The following CORIN variants were observed in gnomAD, a reference collection of about 807,000 sequenced individuals.
The protein encoded by CORIN is corin, serine peptidase, also known as atrial natriuretic peptide-converting enzyme.
A neutral mutation model predicts 125.3 loss-of-function variants in CORIN; 117 were observed. That is an observed-to-expected ratio of 0.93 (90% confidence interval 0.80 to 1.09). CORIN has a LOEUF of 1.09. CORIN is among the 50% of genes least tolerant of loss of function. The pLI, the probability that CORIN is intolerant of heterozygous loss-of-function variation, is 0.00. For missense variants in CORIN, 1,253 were observed against 1,306.7 expected (o/e 0.96, Z 0.63); for synonymous variants, 450 against 466.4 (o/e 0.96, Z 0.45).
intron 17 of CORIN, among the ~76,000 whole-genome samples, chr4:47,624,165 A>G (rs920861580): frequency 4.6e-5 from 7 of 152,220 alleles, no homozygotes; most frequent in African/African-American, 1.7e-4. Flanking sequence ...TGTAGGCAGG[A>G]GTATATGGAA....
intron 10 of CORIN, among the ~76,000 whole-genome samples, chr4:47,673,522 G>T (rs1724866830): frequency 6.6e-6 from 1 of 152,136 alleles, no homozygotes; most frequent in South Asian, 2.1e-4. Context: ...GAGCCCAGGA[G>T]TCAGAAATCA....
intron 6 of CORIN, among the ~76,000 whole-genome samples, chr4:47,686,642 G>C (rs1725528803): frequency 6.6e-6 from 1 of 152,118 alleles, no homozygotes; most frequent in African/African-American, 2.4e-5. Flanking sequence ...TCTTTTTGAT[G>C]TTTTTTTGTC....
At position 47,707,452 on chromosome 4, in the gene CORIN, C is replaced by T. The variant is rs948056085; in HGVS notation, c.800-14369G>A. On this transcript the variant is annotated intron_variant, in intron 5 of 21. Transcript: ENST00000273857. Reference sequence around the variant, plus strand: ...TTAAAATATTTCCCAGCTGAAATTCCTCACTGTGAATCCCACTCGTTTAAC... The same window carrying T: ...TTAAAATATTTCCCAGCTGAAATTCTTCACTGTGAATCCCACTCGTTTAAC... Among the ~76,000 whole-genome samples the T allele has an allele frequency of 1.2e-4, 19 of 152,254 alleles. 1 individual carries two copies. The highest frequency in any genetic ancestry group is 9.8e-4 in the Admixed American group (15 of 15,282).
At chr4:47,827,725 C>T (rs1269149216) in intron 1 of CORIN, among the ~76,000 whole-genome samples, 1 of 152,146 alleles carries the variant, frequency 6.6e-6, no homozygotes, top group African/African-American at 2.4e-5. Context: ...TATTTCTTAA[C>T]TTTGAAGGCA....
At chr4:47,798,699 A>T (rs994358895) in intron 2 of CORIN, among the ~76,000 whole-genome samples, 2 of 152,130 alleles carry the variant, frequency 1.3e-5, no homozygotes, top group African/African-American at 4.8e-5. Context: ...TCTTTTTTAT[A>T]AATTTCAACT....
At chr4:47,695,613 G>T (rs1314153469) in intron 5 of CORIN, among the ~76,000 whole-genome samples, 1 of 152,202 alleles carries the variant, frequency 6.6e-6, no homozygotes, top group Non-Finnish European at 1.5e-5. Context: ...TCATCTGGAA[G>T]TGTGGCTGTC....
intron 1 of CORIN, among the ~76,000 whole-genome samples, chr4:47,827,985 C>T (rs926043922): frequency 6.6e-6 from 1 of 152,198 alleles, no homozygotes; most frequent in African/African-American, 2.4e-5. Flanking sequence ...GTTTAAACTG[C>T]CTCCCAGCTT....
intron 20 of CORIN, among the ~76,000 whole-genome samples, chr4:47,600,654 T>G (rs769797426): frequency 6.6e-5 from 10 of 152,076 alleles, no homozygotes; most frequent in Non-Finnish European, 1.3e-4. Flanking sequence ...CAATAGCTAC[T>G]ACAAAGAAAA....
At chr4:47,658,865 T>C (rs1460740920) in intron 12 of CORIN, among the ~76,000 whole-genome samples, 4 of 152,256 alleles carry the variant, frequency 2.6e-5, no homozygotes, top group African/African-American at 9.6e-5. Context: ...TCCACACTTT[T>C]ATGCTCTGCT....
In CORIN at chr4:47,677,978, C is replaced by T; in HGVS notation, c.1209G>A (p.Glu403=). 6.2e-7 allele frequency: 1 copy of T among 1,614,042 alleles called. No individual in the cohort carries two copies. The highest frequency in any genetic ancestry group is 2.2e-5 in the East Asian group (1 of 44,860). ...IPSTFQCDGD[E]DCKDGSDEEN... ...CCTCATCACTCCCATCCTTGCAGTC[C>T]TCGTCACCATCACATTGAAACGTGC... is the stretch of plus-strand genomic sequence containing the variant. Residue 403 remains glutamate (E), a synonymous_variant, in exon 9 of 22, where the codon GAG becomes GAA. Transcript: ENST00000273857.
rs180845831 is a variant in CORIN at position 47,773,643 on chromosome 4, A to G, written c.410-10057T>C. ...GCAAAGGAAGATTTTATGGAGAATA[A>G]GATCGTAAGGAAAGGCATGTTCTAC... is the stretch of plus-strand genomic sequence containing the variant. On this transcript the variant is annotated intron_variant, in intron 3 of 21. Coordinates refer to ENST00000273857, the MANE Select transcript of CORIN (RefSeq NM_006587.4). Among the ~76,000 whole-genome samples the G allele has an allele frequency of 3.3e-3, 495 of 152,304 alleles. 2 individuals are homozygous for G. The highest frequency in any genetic ancestry group is 0.011 in the African/African-American group (457 of 41,562).
intron 10 of CORIN, among the ~76,000 whole-genome samples, chr4:47,666,701 C>G (rs866777353): frequency 7.9e-5 from 12 of 152,278 alleles, no homozygotes; most frequent in Middle Eastern, 3.4e-3. Context: ...AGCTCTCGCT[C>G]TCTCAGCCAT....
At chr4:47,794,500 A>G (rs1262478919) in intron 2 of CORIN, among the ~76,000 whole-genome samples, 2 of 152,198 alleles carry the variant, frequency 1.3e-5, no homozygotes, top group Non-Finnish European at 2.9e-5. Context: ...AAAACTAGAA[A>G]TGTAATTTTA....
At chr4:47,649,148 G>A (rs1723621122) in intron 13 of CORIN, among the ~76,000 whole-genome samples, 1 of 152,200 alleles carries the variant, frequency 6.6e-6, no homozygotes, top group African/African-American at 2.4e-5. Flanking sequence ...ACTCTTAGCA[G>A]TGCCATTGTT....
chr4:47,605,184 T>C (rs1035557092), intron 19 of CORIN, among the ~76,000 whole-genome samples: 7 of 152,162 alleles, frequency 4.6e-5, no homozygotes, highest in African/African-American at 1.7e-4. Context: ...TACTTGACAC[T>C]GCTTTACTTT....
chr4:47,813,367 A>G (rs1043417996), intron 1 of CORIN, among the ~76,000 whole-genome samples: 2 of 152,192 alleles, frequency 1.3e-5, no homozygotes, highest in Non-Finnish European at 2.9e-5. Flanking sequence ...TACCTAATTT[A>G]AAAACAAACA....
chr4:47,794,944 C>T (rs1731228344), intron 2 of CORIN, among the ~76,000 whole-genome samples: 1 of 152,068 alleles, frequency 6.6e-6, no homozygotes, highest in Non-Finnish European at 1.5e-5. Context: ...AGTCTTTAAT[C>T]CATTTTGACT....
intron 11 of CORIN, among the ~76,000 whole-genome samples, chr4:47,663,571 T>C (rs746069822): frequency 1.3e-5 from 2 of 152,186 alleles, no homozygotes; most frequent in Non-Finnish European, 2.9e-5. Context: ...CTTGGTCTTA[T>C]GCATTTTAAT....
chr4:47,760,284 G>C (rs912083168), intron 4 of CORIN, among the ~76,000 whole-genome samples: 1 of 152,178 alleles, frequency 6.6e-6, no homozygotes, highest in Admixed American at 6.5e-5. Context: ...TCAGTGAGTA[G>C]TAATATTTTA....
Sources: gnomAD v4.1 joint callset for allele counts (sites outside exome capture counted in the v4.1 genomes callset) on GRCh38, gnomAD v4.1.1 for gene constraint, MANE v1.5 for transcripts, NCBI Gene and HGNC (gene_info 2026-07-23, HGNC 2026-07-21) for gene names.